FSTL5: variants seen among roughly 807,000 people sequenced by gnomAD.
FSTL5 encodes the protein follistatin like 5.
In FSTL5, 62 loss-of-function variants were observed where a neutral mutation model predicts 89.1. That is an observed-to-expected ratio of 0.70 (90% confidence interval 0.57 to 0.86). The LOEUF is 0.86. Ranked by LOEUF, FSTL5 falls within the 40% of genes least tolerant of loss-of-function variation. The pLI, the probability that FSTL5 is intolerant of heterozygous loss-of-function variation, is 0.00. For synonymous variants in FSTL5, 383 were observed against 346.2 expected, an observed-to-expected ratio of 1.11 and a Z score of -1.18; for missense variants, 1,057 against 1,001.6, an observed-to-expected ratio of 1.06 and a Z score of -0.75.
At chr4:161,881,293 A>C (rs1216125514) in intron 4 of FSTL5, among the ~76,000 whole-genome samples, 1 of 151,458 alleles carries the variant, frequency 6.6e-6, no homozygotes, top group Non-Finnish European at 1.5e-5. Flanking sequence ...ACACACACAC[A>C]CTTTTTTCCT....
chr4:161,387,871 AG>A, intron 15 of FSTL5: 1 of 152,036 alleles, frequency 6.6e-6, no homozygotes, highest in East Asian at 1.9e-4. Context: ...CATTGGAGAG[AG>A]TACAAATTCT....
At chr4:162,121,143 T>G (rs935590726) in intron 1 of FSTL5, among the ~76,000 whole-genome samples, 2 of 151,872 alleles carry the variant, frequency 1.3e-5, no homozygotes, top group African/African-American at 4.8e-5. Flanking sequence ...TATAAACATA[T>G]AGATGTTTAT....
chr4:161,695,280 T>C (rs1738102334), intron 6 of FSTL5, among the ~76,000 whole-genome samples: 2 of 152,014 alleles, frequency 1.3e-5, no homozygotes, highest in Admixed American at 1.3e-4. Context: ...ATAGCTTAGC[T>C]CCCACTTATG....
chr4:161,877,605 T>C (rs2126907088), intron 4 of FSTL5, among the ~76,000 whole-genome samples: 1 of 151,222 alleles, frequency 6.6e-6, no homozygotes, highest in South Asian at 2.1e-4. Flanking sequence ...GGAGGGCGGA[T>C]CGCGAGATCA....
intron 8 of FSTL5, among the ~76,000 whole-genome samples, chr4:161,563,087 T>C (rs866155666): frequency 2.6e-5 from 4 of 152,090 alleles, no homozygotes; most frequent in Non-Finnish European, 5.9e-5. Context: ...CATTCAAAAG[T>C]GGCTTTTCAT....
chr4:161,985,252 A>G (rs1735931890), intron 3 of FSTL5, among the ~76,000 whole-genome samples: 2 of 152,310 alleles, frequency 1.3e-5, no homozygotes, highest in Non-Finnish European at 2.9e-5. Flanking sequence ...TAAAATTAAA[A>G]AAAGTAAGAT....
chr4:161,431,294 T>A (rs1732358183), intron 15 of FSTL5, among the ~76,000 whole-genome samples: 3 of 151,944 alleles, frequency 2.0e-5, no homozygotes, highest in Non-Finnish European at 4.4e-5. Flanking sequence ...ACAAAAAGTT[T>A]TTTAAAAAAG....
intron 13 of FSTL5, among the ~76,000 whole-genome samples, chr4:161,467,481 G>C (rs1474807283): frequency 1.3e-5 from 2 of 152,068 alleles, no homozygotes; most frequent in East Asian, 3.9e-4. Context: ...AATGTGTGAT[G>C]TCTTTATACA....
At chr4:161,480,982 TAAAGA>T (rs1285001627) in intron 13 of FSTL5, 33 bp downstream of exon 13, 2 of 1,415,290 alleles carry the variant, frequency 1.4e-6, no homozygotes, top group Non-Finnish European at 2.0e-6. Flanking sequence ...AAATATTTTT[TAAAGA>T]TTTACTTTTT....
chr4:161,951,507 T>C (rs1317914246), intron 3 of FSTL5, among the ~76,000 whole-genome samples: 1 of 152,134 alleles, frequency 6.6e-6, no homozygotes, highest in Non-Finnish European at 1.5e-5. Context: ...CACTTCTCTG[T>C]CTTTTTATCA....
chr4:161,603,511 A>C (rs1365327044), intron 7 of FSTL5, among the ~76,000 whole-genome samples: 1 of 152,088 alleles, frequency 6.6e-6, no homozygotes. Flanking sequence ...CCCTCCCCAA[A>C]ATCTTGATAT....
intron 8 of FSTL5, among the ~76,000 whole-genome samples, chr4:161,557,745 A>C (rs868322341): frequency 6.6e-6 from 1 of 151,802 alleles, no homozygotes; most frequent in Non-Finnish European, 1.5e-5. Context: ...ATTAAACAAC[A>C]AAAAAGAATG....
chr4:161,904,114 A>C (rs1286685595), intron 4 of FSTL5, among the ~76,000 whole-genome samples: 1 of 152,084 alleles, frequency 6.6e-6, no homozygotes, highest in Non-Finnish European at 1.5e-5. Flanking sequence ...TAAAACTTTA[A>C]AGAATAGTTT....
intron 4 of FSTL5, among the ~76,000 whole-genome samples, chr4:161,782,275 C>T (rs1256697761): frequency 2.6e-5 from 4 of 152,150 alleles, no homozygotes; most frequent in African/African-American, 4.8e-5. Flanking sequence ...ATGATTGCTG[C>T]ATGATATGGT....
rs200742664 is a variant in FSTL5 at position 161,415,653 on chromosome 4, CAT to C, written c.1842-29206_1842-29205del. Among the ~76,000 whole-genome samples the C allele has an allele frequency of 3.3e-3, 493 of 147,864 alleles. 11 individuals are homozygous for C. In the East Asian group the frequency reaches 0.053, roughly 16 times the overall value. On this transcript the variant is annotated intron_variant, in intron 15 of 15. Coordinates refer to ENST00000306100, the MANE Select transcript of FSTL5 (RefSeq NM_020116.5). Reference sequence around the variant, plus strand: ...GAGATATGTTGTATTATAGGGGATACATATATATATAGAGAGAGAGAGAGAGA... The same window carrying C: ...GAGATATGTTGTATTATAGGGGATACATATATATAGAGAGAGAGAGAGAGA...
intron 6 of FSTL5, among the ~76,000 whole-genome samples, chr4:161,656,755 G>A (rs574278782): frequency 1.3e-5 from 2 of 152,084 alleles, no homozygotes; most frequent in African/African-American, 4.8e-5. Context: ...AATAAGCCTG[G>A]CAGATTGCAC....
At chr4:162,160,037 G>T (rs1047036898) in intron 1 of FSTL5, among the ~76,000 whole-genome samples, 2 of 139,834 alleles carry the variant, frequency 1.4e-5, no homozygotes, top group Non-Finnish European at 3.2e-5. Context: ...TCTTTAACTT[G>T]CATGTTCTAG....
Position 161,458,965 on chromosome 4 carries a change from G to C in FSTL5, c.1716+247C>G, listed in dbSNP as rs188556360. Reference sequence around the variant, plus strand: ...CTTTCTTTTCCTCCTAATGGCATCAGCTTTGTCACTATAGGTTATTCTTTT... The same window carrying C: ...CTTTCTTTTCCTCCTAATGGCATCACCTTTGTCACTATAGGTTATTCTTTT... On this transcript the variant is annotated intron_variant, in intron 14 of 15. Coordinates refer to ENST00000306100, the MANE Select transcript of FSTL5 (RefSeq NM_020116.5). Among the ~76,000 whole-genome samples, 216 of 152,228 alleles carry C rather than the reference G, an allele frequency of 1.4e-3. 1 individual carries two copies. Among genetic ancestry groups the C allele is most frequent in the African/African-American group, 5.0e-3 (208 of 41,564 alleles).
chr4:161,963,173 T>A (rs1036254243), intron 3 of FSTL5, among the ~76,000 whole-genome samples: 14 of 151,976 alleles, frequency 9.2e-5, no homozygotes, highest in Admixed American at 7.2e-4. Flanking sequence ...CTGCTTTTTT[T>A]TCACTTTCTT....
Sources: allele counts gnomAD v4.1 joint callset (sites outside exome capture counted in the v4.1 genomes callset), GRCh38; gene constraint gnomAD v4.1.1; transcripts MANE v1.5; gene names NCBI Gene and HGNC (gene_info 2026-07-23, HGNC 2026-07-21).